PAK1: variants seen among roughly 807,000 people sequenced by gnomAD.
PAK1 encodes serine/threonine-protein kinase PAK 1.
In PAK1, 29 loss-of-function variants were observed where a neutral mutation model predicts 67.4. The observed-to-expected ratio is 0.43, with a 90% CI of 0.32 to 0.59. The LOEUF is 0.59. PAK1 is among the 20% of genes least tolerant of loss of function. The probability of loss-of-function intolerance (pLI) is 0.07; values close to 1 mark genes in which losing one functional copy is unlikely to be tolerated. For missense variants in PAK1, 337 were observed against 670.7 expected (o/e 0.50, Z 5.50); for synonymous variants, 223 against 237.4 (o/e 0.94, Z 0.56).
chr11:77,509,335 AC>A, the PAK1 span, among the ~76,000 whole-genome samples: 1 of 152,112 alleles, frequency 6.6e-6, no homozygotes, highest in Non-Finnish European at 1.5e-5. Context: ...CCTCAAATGG[AC>A]CCCCAAATTA....
chr11:77,381,176 TAGA>T (rs1248719284), intron 2 of PAK1, among the ~76,000 whole-genome samples: 3 of 135,352 alleles, frequency 2.2e-5, no homozygotes, highest in African/African-American at 9.0e-5. Context: ...TGTGTGTGTG[TAGA>T]GAGAGAGAGA....
chr11:77,449,899 C>A (rs528910238), intron 1 of PAK1, among the ~76,000 whole-genome samples: 1 of 152,262 alleles, frequency 6.6e-6, no homozygotes, highest in Admixed American at 6.5e-5. Flanking sequence ...AGACATGCAT[C>A]TTCAAGGAGC....
chr11:77,373,666 G>A (rs1312046040), intron 5 of PAK1, among the ~76,000 whole-genome samples: 1 of 151,276 alleles, frequency 6.6e-6, no homozygotes, highest in Non-Finnish European at 1.5e-5. Context: ...CCCTGTAAGT[G>A]CCCTGGGAAA....
At chr11:77,481,673 C>CAAAAA in the PAK1 span, among the ~76,000 whole-genome samples, 6 of 94,424 alleles carry the variant, frequency 6.4e-5, no homozygotes, top group East Asian at 2.9e-4. Context: ...GACTCCATCT[C>CAAAAA]AAAAAAAAAA....
chr11:77,378,282 G>A (rs1229428456), intron 4 of PAK1, among the ~76,000 whole-genome samples: 1 of 152,172 alleles, frequency 6.6e-6, no homozygotes, highest in African/African-American at 2.4e-5. Flanking sequence ...TTAGGGGCAA[G>A]TAGTAAATTC....
the PAK1 span, among the ~76,000 whole-genome samples, chr11:77,492,928 A>C: frequency 6.6e-6 from 1 of 152,224 alleles, no homozygotes; most frequent in South Asian, 2.1e-4. Flanking sequence ...AGGTTTCCTG[A>C]AGCCTCCCAA....
At chr11:77,470,798 G>C (rs1444219922) in intron 1 of PAK1, among the ~76,000 whole-genome samples, 1 of 152,192 alleles carries the variant, frequency 6.6e-6, no homozygotes, top group Non-Finnish European at 1.5e-5. Context: ...AAATTCAAAA[G>C]AAACAATCCT....
the PAK1 span, among the ~76,000 whole-genome samples, chr11:77,491,404 C>G: frequency 6.6e-6 from 1 of 151,934 alleles, no homozygotes; most frequent in East Asian, 1.9e-4. Context: ...TGGCACACAC[C>G]TGTAATCCCA....
At chr11:77,411,336 A>G (rs966171547) in intron 1 of PAK1, among the ~76,000 whole-genome samples, 1 of 151,978 alleles carries the variant, frequency 6.6e-6, no homozygotes, top group African/African-American at 2.4e-5. Context: ...CAAGCCACAG[A>G]GGATGTCTGA....
At chr11:77,331,653 G>C (rs1177673818) in intron 14 of PAK1, among the ~76,000 whole-genome samples, 2 of 152,140 alleles carry the variant, frequency 1.3e-5, no homozygotes, top group Non-Finnish European at 2.9e-5. Flanking sequence ...GGGGAGGGTG[G>C]AGGGATAGCA....
At chr11:77,456,294 GAC>G (rs1957074912) in intron 1 of PAK1, among the ~76,000 whole-genome samples, 1 of 151,444 alleles carries the variant, frequency 6.6e-6, no homozygotes, top group Non-Finnish European at 1.5e-5. Flanking sequence ...AAAGATCAAA[GAC>G]ACAACATAAA....
the PAK1 span, among the ~76,000 whole-genome samples, chr11:77,490,760 A>G: frequency 6.6e-6 from 1 of 152,114 alleles, no homozygotes; most frequent in Non-Finnish European, 1.5e-5. Flanking sequence ...AGACATGGGA[A>G]ACTTTTCATT....
intron 1 of PAK1, among the ~76,000 whole-genome samples, chr11:77,434,550 C>G (rs1956022814): frequency 6.6e-6 from 1 of 151,666 alleles, no homozygotes; most frequent in African/African-American, 2.4e-5. Flanking sequence ...TGGGCTCAAG[C>G]GATCTTCCCA....
intron 1 of PAK1, among the ~76,000 whole-genome samples, chr11:77,426,286 T>C (rs755007321): frequency 4.6e-5 from 7 of 152,004 alleles, no homozygotes; most frequent in Non-Finnish European, 8.8e-5. Flanking sequence ...TATAAGATAA[T>C]GGAAGTAAAC....
the PAK1 span, among the ~76,000 whole-genome samples, chr11:77,480,705 G>T: frequency 2.6e-5 from 4 of 152,116 alleles, no homozygotes; most frequent in Non-Finnish European, 4.4e-5. Context: ...TGCACTTTTA[G>T]TAGAGGCGGG....
rs559876618 is a variant in PAK1, at chr11:77,375,786, A to ATTCAC, written c.440-1426_440-1422dup. Among the ~76,000 whole-genome samples the ATTCAC allele has an allele frequency of 1.8e-3, 270 of 152,302 alleles. 2 individuals carry two copies. The highest frequency in any genetic ancestry group is 3.5e-3 in the Non-Finnish European group (236 of 68,028). On this transcript the variant is annotated intron_variant, in intron 4 of 14. Transcript: ENST00000356341. ...TGGGTCCAAGAAAAACTGACTGCCA[A>ATTCAC]TTCACCACTAATAGAATTAAGGAGG...
At chr11:77,484,011 C>G in the PAK1 span, among the ~76,000 whole-genome samples, 1 of 152,046 alleles carries the variant, frequency 6.6e-6, no homozygotes. Context: ...CTCTCTTTCT[C>G]TGGAATTTGG....
At chr11:77,465,786 C>T (rs954857830) in intron 1 of PAK1, among the ~76,000 whole-genome samples, 2 of 151,914 alleles carry the variant, frequency 1.3e-5, no homozygotes, top group African/African-American at 4.8e-5. Context: ...CCTGTCTCTA[C>T]AAAAAATACA....
rs1954930448 is a variant in PAK1 at position 77,415,994 on chromosome 11, T to TTATTAC, written c.-21-23454_-21-23453insGTAATA. On this transcript the variant is annotated intron_variant, in intron 1 of 14. Transcript: ENST00000356341. Reference sequence around the variant, plus strand: ...ATTCTTTGTATTATTATTATTATTATTAGAGACAGAGTCTCACTCCGTCAC... The same window carrying TTATTAC: ...ATTCTTTGTATTATTATTATTATTATTATTACTAGAGACAGAGTCTCACTCCGTCAC... Among the ~76,000 whole-genome samples the TTATTAC allele has an allele frequency of 1.3e-4, 20 of 151,478 alleles. 1 individual carries two copies. The South Asian group carries it at 4.2e-3, about 32-fold the overall frequency.
Sources: allele counts gnomAD v4.1 joint callset (sites outside exome capture counted in the v4.1 genomes callset), GRCh38; gene constraint gnomAD v4.1.1; transcripts MANE v1.5; gene names NCBI Gene and HGNC (gene_info 2026-07-23, HGNC 2026-07-21).